The following DNAJC1 variants were observed in gnomAD, a reference collection of about 807,000 sequenced individuals.
DNAJC1 encodes the protein dnaJ homolog subfamily C member 1.
DNAJC1 carries 58 observed loss-of-function variants against 76.6 expected under a neutral mutation model. That is an observed-to-expected ratio of 0.76 (90% CI 0.61 to 0.94). The LOEUF is 0.94. Among genes scored for constraint, DNAJC1 ranks in the 40% least tolerant of loss-of-function variants. DNAJC1 has a pLI of 0.00. For synonymous variants in DNAJC1, 258 were observed against 267.9 expected (o/e 0.96, Z 0.36); for missense variants, 689 against 677.3 (o/e 1.02, Z -0.19).
At chr10:21,961,449 T>C (rs990419393) in intron 1 of DNAJC1, among the ~76,000 whole-genome samples, 1 of 152,330 alleles carries the variant, frequency 6.6e-6, no homozygotes, top group African/African-American at 2.4e-5. Context: ...GAAAACATTA[T>C]ACTAAGTGAA....
chr10:21,805,906 T>C, intron 9 of DNAJC1, 74 bp downstream of exon 9: 10 of 1,582,502 alleles, frequency 6.3e-6, no homozygotes, highest in Non-Finnish European at 7.8e-6. Context: ...GTGGAACCCA[T>C]CTATGTCTGC....
intron 1 of DNAJC1, among the ~76,000 whole-genome samples, chr10:21,972,910 C>G (rs936919622): frequency 2.6e-5 from 4 of 151,928 alleles, no homozygotes; most frequent in African/African-American, 9.7e-5. Context: ...GTCTTTGATT[C>G]AAAAGAATAG....
intron 9 of DNAJC1, among the ~76,000 whole-genome samples, chr10:21,772,566 A>G (rs1325108246): frequency 1.3e-5 from 2 of 152,056 alleles, no homozygotes; most frequent in African/African-American, 2.4e-5. Context: ...TTTTATTTAT[A>G]TAAGATTGGC....
intron 7 of DNAJC1, among the ~76,000 whole-genome samples, chr10:21,886,906 G>A (rs1276444363): frequency 6.6e-6 from 1 of 152,158 alleles, no homozygotes; most frequent in Non-Finnish European, 1.5e-5. Flanking sequence ...TTAGGCAAGA[G>A]AAAGAAATAA....
At chr10:21,832,001 A>C (rs946968799) in intron 8 of DNAJC1, among the ~76,000 whole-genome samples, 4 of 152,182 alleles carry the variant, frequency 2.6e-5, no homozygotes, top group Non-Finnish European at 2.9e-5. Flanking sequence ...GGTGCAATGA[A>C]GAAAATTTAG....
At chr10:21,838,306 T>G (rs1423385904) in intron 8 of DNAJC1, among the ~76,000 whole-genome samples, 3 of 152,238 alleles carry the variant, frequency 2.0e-5, no homozygotes, top group African/African-American at 7.2e-5. Context: ...TGGGATGCTG[T>G]TAATCTATAA....
chr10:21,929,357 C>A (rs554406816), intron 1 of DNAJC1, among the ~76,000 whole-genome samples: 4 of 152,316 alleles, frequency 2.6e-5, no homozygotes, highest in African/African-American at 9.6e-5. Context: ...CTTAACTTTT[C>A]ATTACCATAC....
intron 1 of DNAJC1, among the ~76,000 whole-genome samples, chr10:21,960,012 C>T (rs1837760736): frequency 1.3e-5 from 2 of 152,134 alleles, no homozygotes; most frequent in African/African-American, 4.8e-5. Context: ...CTTACCATTA[C>T]CACAATGGGC....
intron 1 of DNAJC1, among the ~76,000 whole-genome samples, chr10:21,973,345 A>G (rs1590074338): frequency 6.6e-6 from 1 of 152,218 alleles, no homozygotes; most frequent in African/African-American, 2.4e-5. Context: ...GTCTATGAAG[A>G]AAGTCCTATA....
intron 9 of DNAJC1, among the ~76,000 whole-genome samples, chr10:21,774,303 A>G (rs1834427071): frequency 6.6e-6 from 1 of 152,178 alleles, no homozygotes; most frequent in South Asian, 2.1e-4. Context: ...GTTGTGACAT[A>G]TATGATCACA....
Position 21,813,094 on chromosome 10 carries a change from C to CATATATATATATATATAT in DNAJC1, c.979-6996_979-6995insATATATATATATATATAT, listed in dbSNP as rs1451322364. 8.9e-3 allele frequency among the ~76,000 whole-genome samples: 592 copies of CATATATATATATATATAT among 66,548 alleles called. 10 individuals are homozygous for CATATATATATATATATAT. The highest frequency in any genetic ancestry group is 0.02 in the Middle Eastern group (4 of 196). The allele number at this position is 66,548 out of a possible 152,430, so 43.7% of individuals were successfully genotyped here. On this transcript the variant is annotated intron_variant, in intron 8 of 11. Coordinates refer to ENST00000376980, the MANE Select transcript of DNAJC1 (RefSeq NM_022365.4). Reference sequence around the variant, plus strand: ...ACATATATATACATATATACACACACACATATATATATATATATATATACA... The same window carrying CATATATATATATATATAT: ...ACATATATATACATATATACACACACATATATATATATATATATACATATATATATATATATATATACA...
chr10:21,896,219 C>T (rs1201959528), intron 7 of DNAJC1, among the ~76,000 whole-genome samples: 1 of 152,152 alleles, frequency 6.6e-6, no homozygotes, highest in Admixed American at 6.5e-5. Context: ...CAACTTCAGC[C>T]TGGGAGAGCT....
At chr10:21,987,771 A>G (rs1838270135) in intron 1 of DNAJC1, among the ~76,000 whole-genome samples, 1 of 152,138 alleles carries the variant, frequency 6.6e-6, no homozygotes, top group African/African-American at 2.4e-5. Flanking sequence ...TTCCAAAGTA[A>G]TATAATCTAC....
At chr10:21,794,513 T>A (rs746140725) in intron 9 of DNAJC1, among the ~76,000 whole-genome samples, 10 of 151,936 alleles carry the variant, frequency 6.6e-5, no homozygotes, top group Non-Finnish European at 1.2e-4. Flanking sequence ...TGAACATCCA[T>A]GAGCAAAAAA....
At chr10:21,766,635 T>C (rs1250249143) in intron 9 of DNAJC1, among the ~76,000 whole-genome samples, 3 of 151,996 alleles carry the variant, frequency 2.0e-5, no homozygotes, top group African/African-American at 4.8e-5. Flanking sequence ...ATACTTTAAG[T>C]TCTAGGGTAC....
chr10:21,929,910 C>T (rs1195010165), intron 1 of DNAJC1, among the ~76,000 whole-genome samples: 1 of 152,144 alleles, frequency 6.6e-6, no homozygotes, highest in East Asian at 1.9e-4. Context: ...CAGGTAAAAT[C>T]AGACAACATC....
chr10:21,944,773 TAAA>T (rs1304881557), intron 1 of DNAJC1, among the ~76,000 whole-genome samples: 1 of 151,988 alleles, frequency 6.6e-6, no homozygotes, highest in Non-Finnish European at 1.5e-5. Flanking sequence ...AGCTGGAAAA[TAAA>T]AAATAAACAG....
At chr10:21,977,525 T>C (rs964343517) in intron 1 of DNAJC1, among the ~76,000 whole-genome samples, 1 of 152,154 alleles carries the variant, frequency 6.6e-6, no homozygotes, top group Non-Finnish European at 1.5e-5. Context: ...CTTAAAGAAG[T>C]ACAGATATCT....
chr10:21,758,414 GAA>G (rs1221007121), intron 11 of DNAJC1, among the ~76,000 whole-genome samples: 1 of 152,174 alleles, frequency 6.6e-6, no homozygotes, highest in Non-Finnish European at 1.5e-5. Flanking sequence ...CAGATCACAG[GAA>G]AGAGGCCGCC....
Sources: allele counts gnomAD v4.1 joint callset (sites outside exome capture counted in the v4.1 genomes callset), GRCh38; gene constraint gnomAD v4.1.1; transcripts MANE v1.5; gene names NCBI Gene and HGNC (gene_info 2026-07-23, HGNC 2026-07-21).